The following ATG101 variants were observed in gnomAD, a reference collection of about 807,000 sequenced individuals.
ATG101 encodes autophagy related 101.
ATG101 carries 6 observed loss-of-function variants against 16.7 expected under a neutral mutation model. That is an observed-to-expected ratio of 0.36 (90% CI 0.20 to 0.71). The LOEUF (loss-of-function observed/expected upper bound fraction) is 0.71. Among genes scored for constraint, ATG101 ranks in the 30% least tolerant of loss-of-function variants. ATG101 has a pLI of 0.57. For synonymous variants in ATG101, 108 were observed against 118.1 expected, an observed-to-expected ratio of 0.91 and a Z score of 0.56; for missense variants, 200 against 292.5, an observed-to-expected ratio of 0.68 and a Z score of 2.31.
chr12:52,068,883 C>T (rs915010734), upstream of ATG101, among the ~76,000 whole-genome samples: 1 of 147,326 alleles, frequency 6.8e-6, no homozygotes, highest in Non-Finnish European at 1.5e-5. Context: ...CCCAGCTACT[C>T]GGGAGGCTGA....
chr12:52,072,702 G>T (rs80192971), intron 2 of ATG101, among the ~76,000 whole-genome samples: 1 of 151,722 alleles, frequency 6.6e-6, no homozygotes, highest in African/African-American at 2.4e-5. Context: ...ACCCCAATAC[G>T]GTTTAGAGCC....
intron 3 of ATG101, 130 bp downstream of exon 3, chr12:52,074,032 A>G (rs1323438568): frequency 1.6e-5 from 22 of 1,342,164 alleles, no homozygotes; most frequent in Non-Finnish European, 2.2e-5. Flanking sequence ...GGGTTCTTTC[A>G]GGTTCTGAGA....
At position 52,077,045 on chromosome 12, in the gene ATG101, A is replaced by G. The variant is rs779266819; in HGVS notation, c.512A>G (p.Gln171Arg). Residue 171 changes from glutamine to arginine, a missense_variant, in exon 4 of 4, where the codon CAG (glutamine) becomes CGG (arginine). Transcript: ENST00000336854. Reference protein sequence around the residue: ...RHEYLPKMPTQSEVDNVFDTG... With the variant: ...RHEYLPKMPTRSEVDNVFDTG... ...GAGTACTTGCCCAAGATGCCCACACAGTCGGAGGTGGATAACGTGTTTGAC... is the reference window on the plus strand; with the variant it reads ...GAGTACTTGCCCAAGATGCCCACACGGTCGGAGGTGGATAACGTGTTTGAC... The G allele has an allele frequency of 3.1e-6, 5 of 1,614,200 alleles. No individual in the cohort carries two copies. Among genetic ancestry groups the G allele is most frequent in the Non-Finnish European group, 8.5e-7 (1 of 1,180,034 alleles).
intron 2 of ATG101, among the ~76,000 whole-genome samples, chr12:52,072,004 C>T (rs1295671901): frequency 6.6e-6 from 1 of 152,208 alleles, no homozygotes; most frequent in African/African-American, 2.4e-5. Context: ...CTCTTGTTCT[C>T]TCCTTCCTAC....
Position 52,076,959 on chromosome 12 carries a change from G to C in ATG101, c.426G>C (p.Glu142Asp). ...AGCAGGAGCGGCAGATCTGCCGGGA[G>C]AAGGTGGGTGAGAAACTCTGCGAGA... The part of the protein sequence containing the change: ...ATEQERQICR[E>D]KVGEKLCEKI... The change falls in exon 4 of 4, where the codon GAG (glutamate) becomes GAC (aspartate). Residue 142 changes from glutamate (E) to aspartate (D), a missense_variant. Glu to Asp is a conservative substitution (Grantham distance 45). Coordinates refer to ENST00000336854, the MANE Select transcript of ATG101 (RefSeq NM_021934.5). 4.3e-6 allele frequency: 7 copies of C among 1,614,236 alleles called. No individual in the cohort carries two copies. Among genetic ancestry groups the C allele is most frequent in the Non-Finnish European group, 5.9e-6 (7 of 1,180,050 alleles).
In ATG101 at chr12:52,073,565, C is replaced by A. The variant is rs1939683090; in HGVS notation, c.-76-10C>A. On this transcript the variant is annotated splice_polypyrimidine_tract_variant and intron_variant, in intron 2 of 3. Transcript: ENST00000336854. ...TCTTGTCAGCATTCTGACCTGGGCT[C>A]CTTTTGCAGGGTGGCCCTTGGGTAG... The A allele has an allele frequency of 2.0e-6, 3 of 1,515,332 alleles. No homozygotes were observed. The highest frequency in any genetic ancestry group is 2.7e-6 in the Non-Finnish European group (3 of 1,118,552). 93.9% of individuals were successfully genotyped at this position (1,515,332 alleles called of 1,614,324 possible).
chr12:52,068,000 G>A (rs1048014025), upstream of ATG101, among the ~76,000 whole-genome samples: 3 of 150,768 alleles, frequency 2.0e-5, no homozygotes, highest in African/African-American at 4.9e-5. Context: ...CCTAATAAAT[G>A]TTATCTATTA....
chr12:52,076,320 A>G (rs1939729514), intron 3 of ATG101, among the ~76,000 whole-genome samples: 1 of 152,196 alleles, frequency 6.6e-6, no homozygotes, highest in Admixed American at 6.5e-5. Context: ...TGCAAAGGTG[A>G]AAAGCAAGGA....
rs754417547 is a variant in ATG101, at chr12:52,073,895, A to C, written c.245A>C (p.Glu82Ala). ...CGTGCCCTGCGCAAGGTTGTTGGGGAGTTCAAGGTAAGGGTGTCGGGGAGT... is the reference window on the plus strand; with the variant it reads ...CGTGCCCTGCGCAAGGTTGTTGGGGCGTTCAAGGTAAGGGTGTCGGGGAGT... ...LDRALRKVVG[E>A]FKDALRNSGG... is the part of the protein sequence containing the mutation. The change falls in exon 3 of 4, where the codon GAG becomes GCG. Residue 82 changes from glutamate (E) to alanine (A), a missense_variant. By Grantham distance (107) the Glu-to-Ala change is moderately radical. Transcript: ENST00000336854. 1 of 1,447,574 alleles carries C rather than the reference A, an allele frequency of 6.9e-7. No individual in the cohort carries two copies. Among genetic ancestry groups the C allele is most frequent in the Non-Finnish European group, 9.4e-7 (1 of 1,064,394 alleles). 89.7% of individuals were successfully genotyped at this position (1,447,574 alleles called of 1,614,324 possible).
At chr12:52,065,417 A>G (rs1939539031), upstream of ATG101, among the ~76,000 whole-genome samples, 2 of 152,212 alleles carry the variant, frequency 1.3e-5, no homozygotes, top group Admixed American at 1.3e-4. Context: ...CACGTGTGGC[A>G]TGAATGAATG....
intron 2 of ATG101, 130 bp downstream of exon 2, chr12:52,070,613 A>G (rs1341116093): frequency 6.6e-6 from 1 of 152,366 alleles, no homozygotes; most frequent in Admixed American, 6.5e-5. Flanking sequence ...CTCACTGCTC[A>G]CTGTGTGGGG....
upstream of ATG101, among the ~76,000 whole-genome samples, chr12:52,065,491 A>C (rs1349130524): frequency 6.6e-6 from 1 of 151,518 alleles, no homozygotes; most frequent in Admixed American, 6.6e-5. Context: ...CATCCCACAC[A>C]ATCCCAGTTT....
upstream of ATG101, among the ~76,000 whole-genome samples, chr12:52,068,884 G>A (rs945014459): frequency 4.0e-5 from 6 of 150,700 alleles, no homozygotes; most frequent in Non-Finnish European, 7.4e-5. Context: ...CCAGCTACTC[G>A]GGAGGCTGAG....
At chr12:52,075,639 C>T (rs1189334851) in intron 3 of ATG101, among the ~76,000 whole-genome samples, 1 of 152,224 alleles carries the variant, frequency 6.6e-6, no homozygotes, top group Admixed American at 6.5e-5. Flanking sequence ...AAAGGAACTT[C>T]AGGGTCCTGG....
chr12:52,067,381 C>G (rs778244665), upstream of ATG101, among the ~76,000 whole-genome samples: 4 of 152,182 alleles, frequency 2.6e-5, no homozygotes, highest in Non-Finnish European at 4.4e-5. Context: ...TTTCCCTTAC[C>G]AGAGAGCAGG....
chr12:52,066,349 C>T (rs1939549230), upstream of ATG101, among the ~76,000 whole-genome samples: 2 of 152,136 alleles, frequency 1.3e-5, no homozygotes, highest in South Asian at 2.1e-4. Flanking sequence ...GGCAGGAGTT[C>T]CCCTTACTCA....
upstream of ATG101, among the ~76,000 whole-genome samples, chr12:52,067,697 C>T (rs145806369): frequency 5.5e-3 from 833 of 151,710 alleles, 6 homozygotes; most frequent in Middle Eastern, 0.017. Flanking sequence ...AAGCGATTCT[C>T]CTGACTCAGC....
chr12:52,065,781 G>C (rs960663221), upstream of ATG101, among the ~76,000 whole-genome samples: 1 of 152,160 alleles, frequency 6.6e-6, no homozygotes, highest in African/African-American at 2.4e-5. Flanking sequence ...TACTAGTCAG[G>C]GTTCTCCAGA....
chr12:52,076,702 A>T, intron 3 of ATG101, 84 bp from the exon 4 acceptor site: 2 of 1,470,990 alleles, frequency 1.4e-6, no homozygotes, highest in Non-Finnish European at 1.9e-6. Flanking sequence ...CTAAGAGAGC[A>T]TAATTCCCTG....
Sources: allele counts gnomAD v4.1 joint callset (sites outside exome capture counted in the v4.1 genomes callset), GRCh38; gene constraint gnomAD v4.1.1; transcripts MANE v1.5; gene names NCBI Gene and HGNC (gene_info 2026-07-23, HGNC 2026-07-21).